Variants in ABLIM2 observed in about 807,000 individuals in gnomAD.
ABLIM2 encodes the protein actin-binding LIM protein 2.
Under a neutral mutation model 97.7 loss-of-function variants are expected in ABLIM2, and 53 were observed. The observed-to-expected ratio is 0.54, with a 90% CI of 0.44 to 0.68. The LOEUF is 0.68. Among genes scored for constraint, ABLIM2 ranks in the 30% least tolerant of loss-of-function variants. The pLI is 0.00. For synonymous variants in ABLIM2, 361 were observed against 345.8 expected, an observed-to-expected ratio of 1.04 and a Z score of -0.49; for missense variants, 835 against 867.2, an observed-to-expected ratio of 0.96 and a Z score of 0.47.
Position 8,097,141 on chromosome 4 carries a change from C to T in ABLIM2, c.296G>A (p.Gly99Asp). 6.2e-7 allele frequency: 1 copy of T among 1,611,368 alleles called. No homozygotes were observed. The highest frequency in any genetic ancestry group is 1.1e-5 in the South Asian group (1 of 90,464). ...FIEGEVVSAL[G>D]KTYHPDCFVC... ...GAAGCAGTCGGGGTGGTAGGTCTTG[C>T]CCAGCGCCGACACCACCTCACCCTC... Residue 99 changes from glycine (G) to aspartate (D), a missense_variant, in exon 3 of 21, where the codon GGC becomes GAC. Coordinates refer to ENST00000447017, the MANE Select transcript of ABLIM2 (RefSeq NM_001130083.2).
intron 17 of ABLIM2, among the ~76,000 whole-genome samples, chr4:7,990,331 G>A (rs375031317): frequency 6.6e-6 from 1 of 152,020 alleles, no homozygotes; most frequent in East Asian, 1.9e-4. Context: ...CGAGTGGCTG[G>A]GACTATAGGA....
chr4:8,119,899 C>T (rs1844512212), intron 1 of ABLIM2, among the ~76,000 whole-genome samples: 1 of 152,050 alleles, frequency 6.6e-6, no homozygotes, highest in Non-Finnish European at 1.5e-5. Context: ...AAGAGCAGAC[C>T]CTTCGCCTCC....
chr4:8,086,570 C>G (rs914661372), intron 4 of ABLIM2, among the ~76,000 whole-genome samples: 2 of 152,086 alleles, frequency 1.3e-5, no homozygotes, highest in African/African-American at 4.8e-5. Flanking sequence ...GTCTCGGACT[C>G]CTGGCCTCAG....
chr4:8,056,801 G>A (rs1426255110), intron 7 of ABLIM2, among the ~76,000 whole-genome samples: 12 of 151,434 alleles, frequency 7.9e-5, no homozygotes, highest in Non-Finnish European at 1.6e-4. Context: ...GCATGGTGGC[G>A]GGCGCCTGTA....
At chr4:8,080,892 T>G in intron 4 of ABLIM2, 90 bp from the exon 5 acceptor site, 1 of 1,488,044 alleles carries the variant, frequency 6.7e-7, no homozygotes. Flanking sequence ...TGAAGGCCCC[T>G]GGGGCAGCCG....
chr4:8,044,530 T>A lies in ABLIM2; in HGVS notation c.900+634A>T, dbSNP rs1468025458. On this transcript the variant is annotated intron_variant, in intron 9 of 20. Transcript: ENST00000447017. This position sits in a 1 kb window ranked among gnomAD's most constrained non-coding sequence, Gnocchi z 4.4. ...ATGTATTAAATATTAAATAGAATAATCTCCCATCTCGAATCCCACCACCCA... is the reference window on the plus strand; with the variant it reads ...ATGTATTAAATATTAAATAGAATAAACTCCCATCTCGAATCCCACCACCCA... Among the ~76,000 whole-genome samples, 15 of 151,884 alleles carry A rather than the reference T, an allele frequency of 9.9e-5. 1 individual carries two copies. The highest frequency in any genetic ancestry group is 9.8e-4 in the Admixed American group (15 of 15,260).
At chr4:7,983,178 G>A (rs1279886706) in intron 20 of ABLIM2, 86 bp downstream of exon 20, 1 of 1,430,350 alleles carries the variant, frequency 7.0e-7, no homozygotes, top group Non-Finnish European at 9.6e-7. Flanking sequence ...GGCCCCTTGG[G>A]CAACGACCTT....
chr4:7,972,082 GC>G (rs1728537755), intron 20 of ABLIM2, among the ~76,000 whole-genome samples: 1 of 152,198 alleles, frequency 6.6e-6, no homozygotes, highest in Non-Finnish European at 1.5e-5. Flanking sequence ...GGAGGTCCCT[GC>G]AGGACCTACA....
chr4:8,039,281 G>A (rs1243936794), intron 9 of ABLIM2, among the ~76,000 whole-genome samples: 1 of 152,170 alleles, frequency 6.6e-6, no homozygotes, highest in Admixed American at 6.5e-5. Context: ...TCCAAGCAGC[G>A]ATGATCACAG....
intron 18 of ABLIM2, 75 bp downstream of exon 18, chr4:7,984,764 T>C: frequency 6.8e-7 from 1 of 1,463,604 alleles, no homozygotes; most frequent in South Asian, 1.3e-5. Flanking sequence ...TGGGGTGGTT[T>C]CAGAACAAGT....
chr4:8,097,677 G>A (rs1401489706), intron 2 of ABLIM2, among the ~76,000 whole-genome samples: 1 of 152,158 alleles, frequency 6.6e-6, no homozygotes, highest in African/African-American at 2.4e-5. Flanking sequence ...AGATCAGGAA[G>A]GGGCTAATGC....
intron 1 of ABLIM2, among the ~76,000 whole-genome samples, chr4:8,139,758 C>T (rs1183861321): frequency 6.6e-6 from 1 of 152,054 alleles, no homozygotes. Flanking sequence ...TGGGTATATA[C>T]CCAAAGGAAT....
chr4:8,032,223 C>A lies in ABLIM2; in HGVS notation c.1048-2447G>T, dbSNP rs974342376. Among the ~76,000 whole-genome samples, 1 of 151,662 alleles carries A rather than the reference C, an allele frequency of 6.6e-6. No individual in the cohort carries two copies. The highest frequency in any genetic ancestry group is 2.4e-5 in the African/African-American group (1 of 41,200). ...CAGAAAAAAAAAAAAAAAACTAGAC[C>A]ACTAACAGTAAAAGCTCTTTTGTAG... On this transcript the variant is annotated intron_variant, in intron 10 of 20. Transcript: ENST00000447017. The surrounding 1 kb of genome is among the most constrained non-coding windows in gnomAD (Gnocchi z 4.3).
At chr4:8,059,824 T>G (rs1801716660) in intron 7 of ABLIM2, among the ~76,000 whole-genome samples, 1 of 151,258 alleles carries the variant, frequency 6.6e-6, no homozygotes, top group Non-Finnish European at 1.5e-5. Context: ...GAGAATTGCT[T>G]GAACCCAGGA....
intron 7 of ABLIM2, among the ~76,000 whole-genome samples, chr4:8,059,258 G>A (rs540483451): frequency 1.3e-5 from 2 of 152,178 alleles, no homozygotes; most frequent in East Asian, 3.9e-4. Context: ...GCCAGAATTT[G>A]CTGCCCCTGA....
At chr4:7,990,824 T>C (rs1041113051) in intron 17 of ABLIM2, among the ~76,000 whole-genome samples, 3 of 151,976 alleles carry the variant, frequency 2.0e-5, no homozygotes, top group Admixed American at 6.6e-5. Context: ...GAAAAAGGCA[T>C]AACAGTACAT....
At chr4:8,064,272 G>A (rs557436583) in intron 6 of ABLIM2, among the ~76,000 whole-genome samples, 88 of 152,226 alleles carry the variant, frequency 5.8e-4, no homozygotes, top group Non-Finnish European at 1.3e-3. Context: ...CAAAACTCAT[G>A]TTGAAATCTA....
chr4:7,995,249 G>A (rs1418416191), intron 16 of ABLIM2, among the ~76,000 whole-genome samples: 1 of 152,226 alleles, frequency 6.6e-6, no homozygotes, highest in East Asian at 1.9e-4. Flanking sequence ...AAAGAGCATG[G>A]CTCACACCTG....
In ABLIM2 at chr4:8,105,692, C is replaced by T. The variant is rs114357042; in HGVS notation, c.154+802G>A. On this transcript the variant is annotated intron_variant, in intron 2 of 20. Coordinates refer to ENST00000447017, the MANE Select transcript of ABLIM2 (RefSeq NM_001130083.2). ...CAGAAGGCAGGCAGGCACGGGGCCG[C>T]ACACCGCAGCAGGGATTTGCAGTGT... Among the ~76,000 whole-genome samples the T allele has an allele frequency of 7.2e-5, 11 of 152,372 alleles. No individual in the cohort carries two copies. The South Asian group carries it at 8.3e-4, about 11-fold the overall frequency.
Sources: gnomAD v4.1 joint callset for allele counts (sites outside exome capture counted in the v4.1 genomes callset) on GRCh38, gnomAD v4.1.1 for gene constraint, Gnocchi (gnomAD v3.1) non-coding constraint, MANE v1.5 for transcripts, NCBI Gene and HGNC (gene_info 2026-07-23, HGNC 2026-07-21) for gene names.